Variants in ACOT7 observed in about 807,000 individuals in gnomAD.
ACOT7 encodes cytosolic acyl coenzyme A thioester hydrolase.
ACOT7 carries 12 observed loss-of-function variants against 40.2 expected under a neutral mutation model. That is an observed-to-expected ratio of 0.30 (90% CI 0.19 to 0.48). The LOEUF is 0.48. Ranked by LOEUF, ACOT7 falls within the 20% of genes least tolerant of loss-of-function variation. The probability of loss-of-function intolerance (pLI) is 0.99; values close to 1 mark genes in which losing one functional copy is unlikely to be tolerated. For synonymous variants in ACOT7, 228 were observed against 219.5 expected, an observed-to-expected ratio of 1.04 and a Z score of -0.34; for missense variants, 395 against 530.8, an observed-to-expected ratio of 0.74 and a Z score of 2.51.
At chr1:6,360,741 T>C in intron 1 of ACOT7, 3 of 1,594,998 alleles carry the variant, frequency 1.9e-6, no homozygotes, top group African/African-American at 2.7e-5. Flanking sequence ...ACTGTGCCCT[T>C]TGGACTTGGC....
Position 6,385,841 on chromosome 1 carries a change from C to T in ACOT7, c.143+7416G>A, listed in dbSNP as rs555090603. Reference sequence around the variant, plus strand: ...CCTCCCCCACCAGCCCCCGGCAAGCCGCCTCCTCGGCTTCCGGAACTGGAT... The same window carrying T: ...CCTCCCCCACCAGCCCCCGGCAAGCTGCCTCCTCGGCTTCCGGAACTGGAT... On this transcript the variant is annotated intron_variant, in intron 1 of 8. Coordinates refer to ENST00000361521, the MANE Select transcript of ACOT7 (RefSeq NM_007274.4). 145 of 1,414,532 alleles carry T rather than the reference C, an allele frequency of 1.0e-4. 3 individuals carry two copies. In the South Asian group the frequency reaches 2.0e-3, roughly 19 times the overall value. The allele number at this position is 1,414,532 out of a possible 1,614,324, so 87.6% of individuals were successfully genotyped here. A position where few individuals can be genotyped will look rare whatever the true frequency, so the allele number is the denominator to read the frequency against.
At chr1:6,335,401 G>C (rs1302245349) in intron 3 of ACOT7, among the ~76,000 whole-genome samples, 2 of 151,916 alleles carry the variant, frequency 1.3e-5, no homozygotes, top group African/African-American at 4.8e-5. Context: ...GCTGAGATAG[G>C]AGGATCGCTT....
At position 6,317,412 on chromosome 1, in the gene ACOT7, G is replaced by A. The variant is rs374674837; in HGVS notation, c.712+1080C>T. ...TGAACCTAGAGCTAAATCCTCTTGC[G>A]TTCCAGCTGTTTCCCAAACTCTGGG... On this transcript the variant is annotated intron_variant, in intron 6 of 8. Transcript: ENST00000361521. Among the ~76,000 whole-genome samples the A allele has an allele frequency of 3.2e-4, 48 of 152,308 alleles. 1 individual carries two copies. The highest frequency in any genetic ancestry group is 1.4e-3 in the South Asian group (7 of 4,830).
At chr1:6,316,394 C>A (rs1245097992) in intron 6 of ACOT7, among the ~76,000 whole-genome samples, 1 of 152,234 alleles carries the variant, frequency 6.6e-6, no homozygotes, top group Non-Finnish European at 1.5e-5. Flanking sequence ...TGTTATAAAG[C>A]ACAGCTTCCC....
At chr1:6,270,878 G>A (rs190739932) in intron 8 of ACOT7, among the ~76,000 whole-genome samples, 147 of 152,304 alleles carry the variant, frequency 9.7e-4, no homozygotes, top group African/African-American at 3.5e-3. Flanking sequence ...CAGATGGCCC[G>A]GGGTCACCTT....
At chr1:6,277,518 G>C (rs1002495138) in intron 8 of ACOT7, among the ~76,000 whole-genome samples, 1 of 152,202 alleles carries the variant, frequency 6.6e-6, no homozygotes, top group African/African-American at 2.4e-5. Context: ...ACTCCCACCA[G>C]CCCTCTCTCC....
Position 6,331,222 on chromosome 1 carries a change from T to A in ACOT7, c.510+2255A>T, listed in dbSNP as rs542503746. Among the ~76,000 whole-genome samples the A allele has an allele frequency of 3.2e-4, 49 of 152,276 alleles. No individual in the cohort carries two copies. In the South Asian group the frequency reaches 1.0e-2, roughly 31 times the overall value. On this transcript the variant is annotated intron_variant, in intron 4 of 8. Coordinates refer to ENST00000361521, the MANE Select transcript of ACOT7 (RefSeq NM_007274.4). ...GTGGGTTGAACAGCATCCCTCAAAATGTATATCCACCTGAAACCTCAAAAT... is the reference window on the plus strand; with the variant it reads ...GTGGGTTGAACAGCATCCCTCAAAAAGTATATCCACCTGAAACCTCAAAAT...
chr1:6,302,098 T>A (rs1455383432), intron 6 of ACOT7, among the ~76,000 whole-genome samples: 1 of 152,208 alleles, frequency 6.6e-6, no homozygotes, highest in Non-Finnish European at 1.5e-5. Context: ...CCTGGAGTTT[T>A]ATTCTAAGGA....
Position 6,387,106 on chromosome 1 carries a change from G to A in ACOT7, c.143+6151C>T, listed in dbSNP as rs565635961. On this transcript the variant is annotated intron_variant, in intron 1 of 8. Coordinates refer to ENST00000361521, the MANE Select transcript of ACOT7 (RefSeq NM_007274.4). ...CGAGGCCCAGCACTGAGCTCGATCC[G>A]GTTCCATCGACACGAAATTCTAGAA... is the stretch of plus-strand genomic sequence containing the variant. Among the ~76,000 whole-genome samples, 61 of 152,212 alleles carry A rather than the reference G, an allele frequency of 4.0e-4. No individual in the cohort carries two copies. In the South Asian group the frequency reaches 9.5e-3, roughly 24 times the overall value.
intron 7 of ACOT7, among the ~76,000 whole-genome samples, chr1:6,291,095 A>C (rs1255661016): frequency 1.3e-5 from 2 of 152,218 alleles, no homozygotes; most frequent in Admixed American, 6.5e-5. Context: ...GAAGTGAGCT[A>C]GTATCTACAT....
intron 1 of ACOT7, among the ~76,000 whole-genome samples, chr1:6,377,037 A>G (rs1420215226): frequency 1.3e-5 from 2 of 152,198 alleles, no homozygotes; most frequent in Non-Finnish European, 2.9e-5. Context: ...CTGAGACACC[A>G]CTACATGCCT....
At chr1:6,281,062 C>G in intron 8 of ACOT7, 40 bp downstream of exon 8, 1 of 1,597,332 alleles carries the variant, frequency 6.3e-7, no homozygotes, top group Non-Finnish European at 8.5e-7. Context: ...CTAGGGCTGC[C>G]TGGCAGGGAG....
chr1:6,307,091 C>G (rs1408163526), intron 6 of ACOT7, among the ~76,000 whole-genome samples: 1 of 152,194 alleles, frequency 6.6e-6, no homozygotes, highest in Non-Finnish European at 1.5e-5. Context: ...CAGCTAGACA[C>G]CTGCATGGAT....
intron 6 of ACOT7, among the ~76,000 whole-genome samples, chr1:6,305,638 G>A (rs1363700553): frequency 6.2e-4 from 93 of 149,608 alleles, no homozygotes; most frequent in African/African-American, 2.0e-3. Context: ...ATGGGCGGCC[G>A]GGCAGAGACG....
chr1:6,385,744 C>T lies in ACOT7; in HGVS notation c.143+7513G>A, dbSNP rs889329956. ...GAGCCCAAGCCTGTGTCTGCCTGGC[C>T]GGCTCAGCAGTGAGCCGGTGTGATC... On this transcript the variant is annotated intron_variant, in intron 1 of 8. Coordinates refer to ENST00000361521, the MANE Select transcript of ACOT7 (RefSeq NM_007274.4). The T allele has an allele frequency of 8.3e-5, 126 of 1,521,018 alleles. 1 individual carries two copies. The highest frequency in any genetic ancestry group is 1.4e-4 in the South Asian group (11 of 78,674). 94.2% of individuals were successfully genotyped at this position (1,521,018 alleles called of 1,614,324 possible). A position where few individuals can be genotyped will look rare whatever the true frequency, so the allele number is the denominator to read the frequency against.
intron 5 of ACOT7, among the ~76,000 whole-genome samples, chr1:6,324,943 C>T (rs1427475839): frequency 6.6e-6 from 1 of 152,200 alleles, no homozygotes; most frequent in African/African-American, 2.4e-5. Context: ...AGACACCTCC[C>T]GTTGCTCCCA....
chr1:6,293,014 C>G (rs547425656), intron 7 of ACOT7, among the ~76,000 whole-genome samples: 42 of 151,980 alleles, frequency 2.8e-4, no homozygotes, highest in Non-Finnish European at 5.3e-4. Flanking sequence ...CTCAGCCTCC[C>G]GAGTAGCTGG....
chr1:6,327,259 G>A, intron 5 of ACOT7, 40 bp downstream of exon 5: 2 of 1,600,526 alleles, frequency 1.2e-6, no homozygotes, highest in Non-Finnish European at 8.6e-7. Context: ...TGCGTCCCCG[G>A]TGAGGAGTGG....
intron 1 of ACOT7, chr1:6,385,795 CCT>C: frequency 7.0e-7 from 1 of 1,429,834 alleles, no homozygotes; most frequent in Non-Finnish European, 9.1e-7. Context: ...GCACCAGGCT[CCT>C]GCTCCTCCTA....
Sources: gnomAD v4.1 joint callset for allele counts (sites outside exome capture counted in the v4.1 genomes callset) on GRCh38, gnomAD v4.1.1 for gene constraint, MANE v1.5 for transcripts, NCBI Gene and HGNC (gene_info 2026-07-23, HGNC 2026-07-21) for gene names.